Variants in PLCE1 observed in about 807,000 individuals in gnomAD.
The protein encoded by PLCE1 is 1-phosphatidylinositol 4,5-bisphosphate phosphodiesterase epsilon-1.
In PLCE1, 119 loss-of-function variants were observed where a neutral mutation model predicts 242.8. The observed-to-expected ratio is 0.49, with a 90% CI of 0.42 to 0.57. The LOEUF (loss-of-function observed/expected upper bound fraction) is 0.57, where lower values mean the gene tolerates loss of function less well. Ranked by LOEUF, PLCE1 falls within the 20% of genes least tolerant of loss-of-function variation. The pLI is 0.00. For missense variants in PLCE1, 2,441 were observed against 2,788.8 expected, an observed-to-expected ratio of 0.88 and a Z score of 2.81; for synonymous variants, 945 against 1,017.4, an observed-to-expected ratio of 0.93 and a Z score of 1.35.
chr10:94,233,344 AG>A (rs1373343890), intron 5 of PLCE1, among the ~76,000 whole-genome samples: 3 of 152,240 alleles, frequency 2.0e-5, no homozygotes, highest in African/African-American at 7.2e-5. Flanking sequence ...TTGATCACTA[AG>A]GGACTGGATT....
At chr10:94,098,082 G>T (rs1455081425) in intron 2 of PLCE1, among the ~76,000 whole-genome samples, 1 of 152,222 alleles carries the variant, frequency 6.6e-6, no homozygotes, top group East Asian at 1.9e-4. Flanking sequence ...CAGCTGCTTA[G>T]CCCTCACTTG....
chr10:94,093,789 A>G (rs1272471944), intron 2 of PLCE1, among the ~76,000 whole-genome samples: 1 of 152,146 alleles, frequency 6.6e-6, no homozygotes, highest in Non-Finnish European at 1.5e-5. Flanking sequence ...GTCGCAGAGT[A>G]GAATAGTGAT....
intron 22 of PLCE1, chr10:94,287,426 T>C (rs2052490314): frequency 6.7e-6 from 1 of 150,200 alleles, no homozygotes; most frequent in Non-Finnish European, 1.5e-5. Flanking sequence ...TCAGTGTATG[T>C]CACCTTTCAT....
chr10:94,165,198 T>C lies in PLCE1; in HGVS notation c.1493-5982T>C, dbSNP rs146372475. Among the ~76,000 whole-genome samples the C allele has an allele frequency of 5.2e-3, 795 of 152,360 alleles. 3 individuals carry two copies. Among genetic ancestry groups the C allele is most frequent in the Admixed American group, 0.012 (185 of 15,304 alleles). ...GGACATTTAAGTCCGCAGAGGTTTCTTCTGCCTTTTGTTTGCCCTGCCCCC... is the reference window on the plus strand; with the variant it reads ...GGACATTTAAGTCCGCAGAGGTTTCCTCTGCCTTTTGTTTGCCCTGCCCCC... On this transcript the variant is annotated intron_variant, in intron 3 of 32. Transcript: ENST00000371380.
chr10:94,154,265 C>T (rs1215212274), intron 3 of PLCE1, among the ~76,000 whole-genome samples: 1 of 152,134 alleles, frequency 6.6e-6, no homozygotes, highest in Non-Finnish European at 1.5e-5. Context: ...ACTGGATATC[C>T]ATATGCCAAA....
intron 1 of PLCE1, among the ~76,000 whole-genome samples, chr10:94,016,556 T>G (rs977598496): frequency 2.0e-5 from 3 of 152,178 alleles, no homozygotes; most frequent in African/African-American, 7.2e-5. Flanking sequence ...TTTTCAAACA[T>G]TTTTGGATTT....
chr10:94,129,386 G>A (rs763150973), intron 2 of PLCE1, among the ~76,000 whole-genome samples: 5 of 152,154 alleles, frequency 3.3e-5, no homozygotes, highest in African/African-American at 4.8e-5. Flanking sequence ...TCTGACTCTC[G>A]TAATTGTCTT....
intron 2 of PLCE1, among the ~76,000 whole-genome samples, chr10:94,072,307 C>T (rs1031945121): frequency 2.6e-5 from 4 of 151,756 alleles, no homozygotes; most frequent in Admixed American, 6.6e-5. Flanking sequence ...GATGGAGTCT[C>T]GCTCTGTCAC....
At chr10:94,044,281 A>C (rs147356692) in intron 2 of PLCE1, among the ~76,000 whole-genome samples, 30 of 152,278 alleles carry the variant, frequency 2.0e-4, no homozygotes, top group Admixed American at 3.9e-4. Context: ...ATCACCTTGA[A>C]AGGTTGTCCC....
chr10:94,071,495 G>GTTTTTTTTTTTGTTTTTTT (rs2044352848), intron 2 of PLCE1, among the ~76,000 whole-genome samples: 5 of 83,316 alleles, frequency 6.0e-5, no homozygotes, highest in African/African-American at 2.7e-4. Context: ...TTTGGTTTTC[G>GTTTTTTTTTTTGTTTTTTT]TTTTTTTTTT....
At chr10:94,076,495 C>T (rs2044506268) in intron 2 of PLCE1, among the ~76,000 whole-genome samples, 1 of 152,038 alleles carries the variant, frequency 6.6e-6, no homozygotes, top group South Asian at 2.1e-4. Flanking sequence ...GAGGTTGTGC[C>T]GCCTTTTCTG....
At chr10:94,212,606 G>T (rs538580994) in intron 4 of PLCE1, among the ~76,000 whole-genome samples, 2 of 152,172 alleles carry the variant, frequency 1.3e-5, no homozygotes, top group South Asian at 4.1e-4. Flanking sequence ...GGTCAGTCTG[G>T]TCTCAAACTC....
intron 1 of PLCE1, among the ~76,000 whole-genome samples, chr10:94,008,255 G>T (rs1018975924): frequency 6.9e-6 from 1 of 144,096 alleles, no homozygotes; most frequent in Non-Finnish European, 1.5e-5. Context: ...AATTTATCTA[G>T]ATCTAAGTCA....
chr10:93,995,132 A>G (rs1381243174), intron 1 of PLCE1, among the ~76,000 whole-genome samples: 3 of 152,080 alleles, frequency 2.0e-5, no homozygotes, highest in African/African-American at 2.4e-5. Context: ...CACTAGGGAG[A>G]ATTTTTGAGA....
chr10:94,086,022 T>C (rs1023350406), intron 2 of PLCE1, among the ~76,000 whole-genome samples: 4 of 152,174 alleles, frequency 2.6e-5, no homozygotes, highest in African/African-American at 9.7e-5. Flanking sequence ...CCCAGTACAA[T>C]GCCAGATCCT....
chr10:94,138,554 A>G (rs922564012), intron 3 of PLCE1: 8 of 472,884 alleles, frequency 1.7e-5, no homozygotes, highest in Admixed American at 1.4e-4. Context: ...CTCAGACTCC[A>G]TCTGGGGATC....
chr10:94,158,848 C>G (rs369535778), intron 3 of PLCE1, among the ~76,000 whole-genome samples: 1 of 113,182 alleles, frequency 8.8e-6, no homozygotes, highest in Non-Finnish European at 1.9e-5. Flanking sequence ...TTTTCTTCTT[C>G]TTTTTCTTTT....
chr10:94,304,732 G>A (rs2053146281), intron 25 of PLCE1, 87 bp downstream of exon 25: 4 of 1,304,476 alleles, frequency 3.1e-6, no homozygotes, highest in Non-Finnish European at 4.4e-6. Context: ...GCATTGGAAA[G>A]CTGTCATGTC....
chr10:94,125,393 G>T (rs901940832), intron 2 of PLCE1, among the ~76,000 whole-genome samples: 1 of 151,784 alleles, frequency 6.6e-6, no homozygotes, highest in Non-Finnish European at 1.5e-5. Flanking sequence ...GCACATTAGC[G>T]CCTTATTTTT....
Sources: gnomAD v4.1 joint callset for allele counts (sites outside exome capture counted in the v4.1 genomes callset) on GRCh38, gnomAD v4.1.1 for gene constraint, MANE v1.5 for transcripts, NCBI Gene and HGNC (gene_info 2026-07-23, HGNC 2026-07-21) for gene names.